The following STK35 variants were observed in gnomAD, a reference collection of about 807,000 sequenced individuals.
STK35 encodes the protein serine/threonine-protein kinase 35.
In STK35, 17 loss-of-function variants were observed where a neutral mutation model predicts 37.3. That is an observed-to-expected ratio of 0.46 (90% CI 0.31 to 0.68). STK35 has a LOEUF of 0.68. Among genes scored for constraint, STK35 ranks in the 30% least tolerant of loss-of-function variants. The probability of loss-of-function intolerance (pLI) is 0.05; values close to 1 mark genes in which losing one functional copy is unlikely to be tolerated. For synonymous variants in STK35, 385 were observed against 319.1 expected (o/e 1.21, Z -2.20); for missense variants, 595 against 746.7 (o/e 0.80, Z 2.37).
intron 3 of STK35, among the ~76,000 whole-genome samples, chr20:2,135,469 G>A (rs767871287): frequency 1.3e-5 from 2 of 152,244 alleles, no homozygotes; most frequent in Non-Finnish European, 2.9e-5. Flanking sequence ...CAGGACTTCA[G>A]CCAGGATTCC....
rs1193236638 is a variant in STK35, at chr20:2,144,908, C to T, written c.*1162C>T. 1 of 152,866 alleles carries T rather than the reference C, an allele frequency of 6.5e-6. No individual in the cohort carries two copies. Among genetic ancestry groups the T allele is most frequent in the African/African-American group, 2.4e-5 (1 of 41,460 alleles). 9.5% of individuals were successfully genotyped at this position (152,866 alleles called of 1,614,324 possible). A position where few individuals can be genotyped will look rare whatever the true frequency, so the allele number is the denominator to read the frequency against. On this transcript the variant is annotated 3_prime_UTR_variant, in exon 4 of 4. Coordinates refer to ENST00000381482, the MANE Select transcript of STK35 (RefSeq NM_080836.4). ...ACACACACTGTCAAGCGCCATTTCC[C>T]TCACCCCTGGAGACTTACTGTTAGG... is the stretch of plus-strand genomic sequence containing the variant.
rs780346367 is a variant in STK35 at position 2,103,368 on chromosome 20, A to G, written c.892+3A>G. 18 of 1,607,896 alleles carry G rather than the reference A, an allele frequency of 1.1e-5. No homozygotes were observed. In the African/African-American group the frequency reaches 2.0e-4, roughly 18 times the overall value. On this transcript the variant is annotated splice_donor_region_variant and intron_variant, in intron 2 of 3. Coordinates refer to ENST00000381482, the MANE Select transcript of STK35 (RefSeq NM_080836.4). ...CCTGGTGGAGACCTCGCTGAAAGGTAGGAGCACCGCGGGCCTTTCCACCCA... is the reference window on the plus strand; with the variant it reads ...CCTGGTGGAGACCTCGCTGAAAGGTGGGAGCACCGCGGGCCTTTCCACCCA...
chr20:2,112,646 C>T (rs1985642115), intron 2 of STK35, among the ~76,000 whole-genome samples: 1 of 152,116 alleles, frequency 6.6e-6, no homozygotes. Context: ...CCTTAGTTGC[C>T]CCACCTGTAA....
Position 2,117,012 on chromosome 20 carries a change from C to A in STK35, c.1239C>A (p.Ser413=). 6.2e-7 allele frequency: 1 copy of A among 1,614,190 alleles called. No homozygotes were observed. Among genetic ancestry groups the A allele is most frequent in the Non-Finnish European group, 8.5e-7 (1 of 1,180,038 alleles). Residue 413 remains serine, a synonymous_variant, in exon 3 of 4, where the codon TCC becomes TCA. Coordinates refer to ENST00000381482, the MANE Select transcript of STK35 (RefSeq NM_080836.4). The surrounding 1 kb of genome is among the most constrained non-coding windows in gnomAD (Gnocchi z 4.4). ...KNVNVNKYWL[S]SACGSDFYMA... Reference sequence around the variant, plus strand: ...TGAATGTGAATAAGTACTGGCTGTCCTCAGCCTGCGGTTCGGACTTCTACA... The same window carrying A: ...TGAATGTGAATAAGTACTGGCTGTCATCAGCCTGCGGTTCGGACTTCTACA...
chr20:2,132,988 T>C (rs908930577), intron 3 of STK35, among the ~76,000 whole-genome samples: 3 of 152,238 alleles, frequency 2.0e-5, no homozygotes, highest in Admixed American at 1.3e-4. Flanking sequence ...CTATTTTGTT[T>C]GTTTTTGCCA....
intron 3 of STK35, among the ~76,000 whole-genome samples, chr20:2,122,437 A>G (rs1440748935): frequency 6.6e-6 from 1 of 152,210 alleles, no homozygotes; most frequent in East Asian, 1.9e-4. Context: ...TCAGAGTCGC[A>G]TTTAAGTCAG....
intron 3 of STK35, among the ~76,000 whole-genome samples, chr20:2,143,042 ATCT>A (rs1267598223): frequency 6.6e-6 from 1 of 152,220 alleles, no homozygotes; most frequent in Non-Finnish European, 1.5e-5. Context: ...CGTTCATTTA[ATCT>A]TCATAATAGC....
At chr20:2,133,783 T>C (rs963327244) in intron 3 of STK35, among the ~76,000 whole-genome samples, 2 of 152,232 alleles carry the variant, frequency 1.3e-5, no homozygotes, top group Admixed American at 6.5e-5. Flanking sequence ...AGCAATCAAA[T>C]TGTTTAAAAC....
chr20:2,102,211 G>A, intron 1 of STK35, 36 bp downstream of exon 1: 6 of 1,364,792 alleles, frequency 4.4e-6, no homozygotes, highest in Non-Finnish European at 5.7e-6. Flanking sequence ...GGCCAGCGCC[G>A]AGGCTGGAGT....
At chr20:2,108,198 T>C (rs1985552164) in intron 2 of STK35, among the ~76,000 whole-genome samples, 2 of 152,192 alleles carry the variant, frequency 1.3e-5, no homozygotes, top group Admixed American at 6.5e-5. Context: ...ATGGGCATAA[T>C]CATATTTTAC....
intron 1 of STK35, 38 bp from the exon 2 acceptor site, chr20:2,102,730 C>T (rs1377164769): frequency 2.2e-6 from 3 of 1,379,578 alleles, no homozygotes; most frequent in Non-Finnish European, 2.8e-6. Flanking sequence ...GGCCTCCCCG[C>T]CTTGGCCTGG....
Position 2,102,918 on chromosome 20 carries a change from G to T in STK35, c.445G>T (p.Glu149Ter). The T allele has an allele frequency of 6.4e-7, 1 of 1,553,922 alleles. No individual in the cohort carries two copies. Among genetic ancestry groups the T allele is most frequent in the Admixed American group, 1.8e-5 (1 of 54,394 alleles). ...DGARRGTQSP[E>*]RKRRSPVPRA... The stretch of plus-strand genomic sequence containing the variant: ...CGCCCGCAGAGGTACACAAAGCCCG[G>T]AGCGGAAAAGGCGAAGCCCAGTGCC... Residue 149 changes from glutamate to a stop codon, truncating the protein, a stop_gained, in exon 2 of 4, where the codon GAG becomes TAG. Coordinates refer to ENST00000381482, the MANE Select transcript of STK35 (RefSeq NM_080836.4). LOFTEE classifies it high-confidence loss of function.
chr20:2,147,373 A>AT lies in STK35; in HGVS notation c.*3632dup, dbSNP rs2122601237. The AT allele has an allele frequency of 1.3e-5, 2 of 152,720 alleles. No individual in the cohort carries two copies. Among genetic ancestry groups the AT allele is most frequent in the Non-Finnish European group, 2.9e-5 (2 of 68,014 alleles). 9.5% of individuals were successfully genotyped at this position (152,720 alleles called of 1,614,324 possible). The stretch of plus-strand genomic sequence containing the variant: ...CAGTGTTTGGAGCAATAAGATGATT[A>AT]TTTTTGCTTGAATCTTTTTCTAAGA... On this transcript the variant is annotated 3_prime_UTR_variant, in exon 4 of 4. Coordinates refer to ENST00000381482, the MANE Select transcript of STK35 (RefSeq NM_080836.4).
rs1467488882 is a variant in STK35, at chr20:2,146,051, A to C, written c.*2305A>C. On this transcript the variant is annotated 3_prime_UTR_variant, in exon 4 of 4. Transcript: ENST00000381482. ...GTAGGTGACAGGTGGGCAGCCTGGTAGGGGTCGCCAGCCTCCATGCCCCCT... is the reference window on the plus strand; with the variant it reads ...GTAGGTGACAGGTGGGCAGCCTGGTCGGGGTCGCCAGCCTCCATGCCCCCT... 2 of 152,172 alleles carry C rather than the reference A, an allele frequency of 1.3e-5. No homozygotes were observed. Among genetic ancestry groups the C allele is most frequent in the Admixed American group, 6.5e-5 (1 of 15,282 alleles). The allele number at this position is 152,172 out of a possible 1,614,324, so 9.4% of individuals were successfully genotyped here.
At chr20:2,126,610 C>T (rs1985910857) in intron 3 of STK35, among the ~76,000 whole-genome samples, 1 of 152,128 alleles carries the variant, frequency 6.6e-6, no homozygotes, top group East Asian at 1.9e-4. Context: ...TTAGGGCAGC[C>T]GCATTCGTGC....
chr20:2,131,794 TG>T (rs11477175), intron 3 of STK35, among the ~76,000 whole-genome samples: 32,360 of 152,034 alleles, frequency 0.21, 4,814 homozygotes, highest in East Asian at 0.81. Context: ...TTGGATTACT[TG>T]GCAGCCTCGA....
intron 3 of STK35, among the ~76,000 whole-genome samples, chr20:2,122,086 A>T (rs977565362): frequency 6.6e-6 from 1 of 152,240 alleles, no homozygotes; most frequent in Admixed American, 6.5e-5. Context: ...TAATCCCAGC[A>T]CTTTGGGAAG....
Position 2,110,438 on chromosome 20 carries a change from A to G in STK35, c.893-6228A>G, listed in dbSNP as rs191573737. On this transcript the variant is annotated intron_variant, in intron 2 of 3. Coordinates refer to ENST00000381482, the MANE Select transcript of STK35 (RefSeq NM_080836.4). ...TATGGTCCTTTAAAACTTTCAGCCAATTGGTATTACCATAGTTAACTGTTA... is the reference window on the plus strand; with the variant it reads ...TATGGTCCTTTAAAACTTTCAGCCAGTTGGTATTACCATAGTTAACTGTTA... Among the ~76,000 whole-genome samples, 26 of 152,320 alleles carry G rather than the reference A, an allele frequency of 1.7e-4. No homozygotes were observed. The East Asian group carries it at 5.0e-3, about 29-fold the overall frequency.
intron 1 of STK35, 38 bp downstream of exon 1, chr20:2,102,213 G>A: frequency 7.3e-7 from 1 of 1,364,710 alleles, no homozygotes; most frequent in South Asian, 1.7e-5. Context: ...CCAGCGCCGA[G>A]GCTGGAGTTA....
Sources: gnomAD v4.1 joint callset for allele counts (sites outside exome capture counted in the v4.1 genomes callset) on GRCh38, gnomAD v4.1.1 for gene constraint, Gnocchi (gnomAD v3.1) non-coding constraint, MANE v1.5 for transcripts, NCBI Gene and HGNC (gene_info 2026-07-23, HGNC 2026-07-21) for gene names.